ODAD2: variants seen among roughly 807,000 people sequenced by gnomAD.
ODAD2 encodes outer dynein arm-docking complex subunit 2.
A neutral mutation model predicts 106.8 loss-of-function variants in ODAD2; 89 were observed. That is an observed-to-expected ratio of 0.83 (90% CI 0.70 to 0.99). The LOEUF (loss-of-function observed/expected upper bound fraction) is 0.99. Among genes scored for constraint, ODAD2 ranks in the 50% least tolerant of loss-of-function variants. The pLI is 0.00. For synonymous variants in ODAD2, 404 were observed against 436.2 expected, an observed-to-expected ratio of 0.93 and a Z score of 0.92; for missense variants, 1,168 against 1,238.5, an observed-to-expected ratio of 0.94 and a Z score of 0.85.
chr10:27,981,330 GT>G, intron 7 of ODAD2, 135 bp downstream of exon 7: 1 of 689,376 alleles, frequency 1.5e-6, no homozygotes, highest in Non-Finnish European at 2.2e-6. Context: ...TTTATGTTAT[GT>G]TATGTTGTAA....
intron 17 of ODAD2, among the ~76,000 whole-genome samples, chr10:27,875,690 C>A (rs1417152157): frequency 6.6e-6 from 1 of 152,174 alleles, no homozygotes; most frequent in East Asian, 1.9e-4. Context: ...TCTTGTTGGA[C>A]AGTGGCTGCA....
chr10:27,900,162 C>T (rs919255747), intron 17 of ODAD2, among the ~76,000 whole-genome samples: 1 of 152,168 alleles, frequency 6.6e-6, no homozygotes, highest in South Asian at 2.1e-4. Flanking sequence ...GCTCATGATA[C>T]CCAGGCAAAC....
At chr10:27,978,529 A>G (rs1353147217) in intron 7 of ODAD2, among the ~76,000 whole-genome samples, 1 of 152,184 alleles carries the variant, frequency 6.6e-6, no homozygotes, top group Non-Finnish European at 1.5e-5. Flanking sequence ...ATGGTGGCTC[A>G]CACCTGTAAT....
intron 16 of ODAD2, among the ~76,000 whole-genome samples, chr10:27,918,996 T>A (rs910643385): frequency 6.6e-6 from 1 of 150,626 alleles, no homozygotes; most frequent in African/African-American, 2.4e-5. Flanking sequence ...TAATGGAAAA[T>A]GTGCAATGCT....
At chr10:27,977,729 A>C (rs747397097) in intron 7 of ODAD2, among the ~76,000 whole-genome samples, 1 of 152,222 alleles carries the variant, frequency 6.6e-6, no homozygotes, top group Admixed American at 6.5e-5. Context: ...AAAAACAGAC[A>C]AAGAGTCCAA....
At chr10:27,870,318 G>C (rs1840767382) in intron 17 of ODAD2, among the ~76,000 whole-genome samples, 1 of 152,058 alleles carries the variant, frequency 6.6e-6, no homozygotes, top group Non-Finnish European at 1.5e-5. Context: ...TAAAGTGCCA[G>C]ATTCCTGTAC....
In ODAD2 at chr10:27,928,478, C is replaced by T. The variant is rs149705511; in HGVS notation, c.2495+6532G>A. Among the ~76,000 whole-genome samples the T allele has an allele frequency of 4.1e-3, 620 of 152,196 alleles. 4 individuals are homozygous for T. Among genetic ancestry groups the T allele is most frequent in the Middle Eastern group, 0.014 (4 of 294 alleles). On this transcript the variant is annotated intron_variant, in intron 16 of 19. Transcript: ENST00000305242. ...AATGCTAAAAACCTTCAATGATCCT[C>T]GACTGACCTCAAAACAAAATCCAAA... is the stretch of plus-strand genomic sequence containing the variant.
chr10:27,917,245 G>C (rs561302744), intron 16 of ODAD2, among the ~76,000 whole-genome samples: 24 of 152,198 alleles, frequency 1.6e-4, no homozygotes, highest in African/African-American at 5.8e-4. Context: ...AAAATAACCA[G>C]TTTTAGAAAT....
At chr10:27,867,738 T>A (rs924769200) in intron 17 of ODAD2, among the ~76,000 whole-genome samples, 2 of 152,064 alleles carry the variant, frequency 1.3e-5, no homozygotes, top group Non-Finnish European at 2.9e-5. Context: ...TCACTTGAGG[T>A]CAGGAGGTTG....
chr10:27,851,541 A>G (rs929279615), intron 19 of ODAD2, among the ~76,000 whole-genome samples: 2 of 152,044 alleles, frequency 1.3e-5, no homozygotes, highest in African/African-American at 4.8e-5. Flanking sequence ...AGTATTGCAG[A>G]TGTAAAACAC....
chr10:27,985,122 T>C lies in ODAD2; in HGVS notation c.472A>G (p.Thr158Ala), dbSNP rs1849795717. ...SIALNILGKITRDDDPESEIK... is the reference protein window; with the variant it reads ...SIALNILGKIARDDDPESEIK... Reference sequence around the variant, plus strand: ...TCACTTTCAGGATCATCATCTCTGGTAATTTTGCCAAGAATATTTAATGCA... The same window carrying C: ...TCACTTTCAGGATCATCATCTCTGGCAATTTTGCCAAGAATATTTAATGCA... Residue 158 changes from threonine (T) to alanine (A), a missense_variant, in exon 4 of 20, where the codon ACC becomes GCC. Physicochemically the swap from Thr to Ala is moderately conservative, Grantham distance 58. This residue lies in a region of ODAD2 where 430 missense variants were observed against 452.2 expected (regional missense o/e 0.95). Transcript: ENST00000305242. 6.2e-7 allele frequency: 1 copy of C among 1,600,876 alleles called. No homozygotes were observed. The highest frequency in any genetic ancestry group is 8.5e-7 in the Non-Finnish European group (1 of 1,173,010).
intron 10 of ODAD2, among the ~76,000 whole-genome samples, chr10:27,957,921 C>T (rs1156348966): frequency 2.0e-5 from 3 of 152,098 alleles, no homozygotes; most frequent in Admixed American, 1.3e-4. Context: ...GAATATTTCT[C>T]TGCTAGCTTA....
At chr10:27,869,230 A>G (rs1425673439) in intron 17 of ODAD2, among the ~76,000 whole-genome samples, 3 of 152,162 alleles carry the variant, frequency 2.0e-5, no homozygotes, top group Admixed American at 1.3e-4. Flanking sequence ...ACTGAAGGGT[A>G]ATGTAAAAAT....
chr10:27,849,494 C>T (rs753603176), intron 19 of ODAD2, among the ~76,000 whole-genome samples: 23 of 152,046 alleles, frequency 1.5e-4, no homozygotes, highest in Non-Finnish European at 3.4e-4. Context: ...GGCACATGTA[C>T]ACATAGGTAA....
At chr10:27,899,705 G>T (rs894467890) in intron 17 of ODAD2, among the ~76,000 whole-genome samples, 6 of 151,300 alleles carry the variant, frequency 4.0e-5, no homozygotes, top group Non-Finnish European at 7.4e-5. Context: ...CAGGAAGTTC[G>T]AACTGGGCGG....
chr10:27,814,903 C>G (rs904425513), intron 19 of ODAD2, among the ~76,000 whole-genome samples: 8 of 152,200 alleles, frequency 5.3e-5, no homozygotes, highest in African/African-American at 1.9e-4. Context: ...TCAGTTCAAC[C>G]TCAACTGGAT....
chr10:27,830,983 T>C (rs1407053405), intron 19 of ODAD2, among the ~76,000 whole-genome samples: 2 of 152,138 alleles, frequency 1.3e-5, no homozygotes, highest in African/African-American at 4.8e-5. Flanking sequence ...TTCTATCAGG[T>C]AGAGATACTG....
intron 1 of ODAD2, among the ~76,000 whole-genome samples, chr10:27,996,771 T>C (rs1324562289): frequency 1.3e-5 from 2 of 152,240 alleles, no homozygotes; most frequent in South Asian, 2.1e-4. Context: ...GATGGCAATG[T>C]TATTTGAGAA....
chr10:27,941,454 C>T (rs541511290), intron 12 of ODAD2, among the ~76,000 whole-genome samples: 5 of 149,916 alleles, frequency 3.3e-5, no homozygotes, highest in African/African-American at 9.8e-5. Context: ...CACTGCACTC[C>T]AGCCTGGGCA....
Sources: allele counts gnomAD v4.1 joint callset (sites outside exome capture counted in the v4.1 genomes callset), GRCh38; gene constraint gnomAD v4.1.1; regional missense constraint gnomAD v4.1.1; transcripts MANE v1.5; gene names NCBI Gene and HGNC (gene_info 2026-07-23, HGNC 2026-07-21).